The following SYBU variants were observed in gnomAD, a reference collection of about 807,000 sequenced individuals.
SYBU encodes the protein GOLSYN A protein.
Under a neutral mutation model 35.9 loss-of-function variants are expected in SYBU, and 21 were observed. The observed-to-expected ratio is 0.58, with a 90% CI of 0.41 to 0.84. SYBU has a LOEUF of 0.84. Among genes scored for constraint, SYBU ranks in the 40% least tolerant of loss-of-function variants. The pLI is 0.00. For synonymous variants in SYBU, 319 were observed against 324.3 expected (o/e 0.98, Z 0.18); for missense variants, 768 against 848.2 (o/e 0.91, Z 1.17).
chr8:109,670,803 T>C (rs1328405496), intron 1 of SYBU, among the ~76,000 whole-genome samples: 2 of 152,162 alleles, frequency 1.3e-5, no homozygotes, highest in Non-Finnish European at 2.9e-5. Flanking sequence ...CTTCATTTCT[T>C]CCATTTATAA....
At chr8:109,590,298 G>A (rs547104659) in intron 3 of SYBU, among the ~76,000 whole-genome samples, 38 of 152,178 alleles carry the variant, frequency 2.5e-4, no homozygotes, top group Admixed American at 5.2e-4. Flanking sequence ...CCTAAAAAGG[G>A]TTTTTGTTTT....
intron 2 of SYBU, among the ~76,000 whole-genome samples, chr8:109,633,425 T>C (rs963619220): frequency 1.3e-5 from 2 of 152,200 alleles, no homozygotes; most frequent in Non-Finnish European, 2.9e-5. Context: ...ATCTCAACGA[T>C]AGCATAGCTG....
chr8:109,660,768 T>G lies in SYBU; in HGVS notation c.-129+19943A>C, dbSNP rs145474532. ...TTATTTCTCACTAAGCAAATATTTATTGGGTATTTATTCTGACTCTGGTAC... is the reference window on the plus strand; with the variant it reads ...TTATTTCTCACTAAGCAAATATTTAGTGGGTATTTATTCTGACTCTGGTAC... On this transcript the variant is annotated intron_variant, in intron 1 of 5. Coordinates refer to the SYBU transcript ENST00000408889. 3.1e-3 allele frequency among the ~76,000 whole-genome samples: 467 copies of G among 152,348 alleles called. 6 individuals carry two copies. Among genetic ancestry groups the G allele is most frequent in the African/African-American group, 0.011 (438 of 41,588 alleles).
At chr8:109,658,111 C>A (rs1309918159) in intron 1 of SYBU, among the ~76,000 whole-genome samples, 1 of 152,156 alleles carries the variant, frequency 6.6e-6, no homozygotes, top group Admixed American at 6.5e-5. Flanking sequence ...CTGTAGCAAA[C>A]ACATTGTCCT....
chr8:109,644,357 T>A, intron 1 of SYBU: 1 of 606,636 alleles, frequency 1.6e-6, no homozygotes, highest in South Asian at 1.8e-5. Context: ...ACACAGGATA[T>A]CAACTGAAAG....
intron 3 of SYBU, among the ~76,000 whole-genome samples, chr8:109,602,429 A>AT (rs751669435): frequency 0.051 from 6,772 of 132,604 alleles, 353 homozygotes; most frequent in African/African-American, 0.12. Flanking sequence ...CCTCTGTGTA[A>AT]TTTTTTTTTT....
At chr8:109,632,731 A>G (rs1813779293) in intron 2 of SYBU, among the ~76,000 whole-genome samples, 1 of 152,244 alleles carries the variant, frequency 6.6e-6, no homozygotes, top group Non-Finnish European at 1.5e-5. Context: ...AAAATTCTAA[A>G]TTATGAAATT....
At chr8:109,633,801 T>G (rs925944438) in intron 2 of SYBU, among the ~76,000 whole-genome samples, 12 of 152,168 alleles carry the variant, frequency 7.9e-5, no homozygotes, top group African/African-American at 2.7e-4. Flanking sequence ...TGGCGCAATC[T>G]TGGCTCACTG....
chr8:109,688,326 T>C (rs1368085304), intron 1 of SYBU, among the ~76,000 whole-genome samples: 1 of 152,228 alleles, frequency 6.6e-6, no homozygotes, highest in Admixed American at 6.5e-5. Context: ...ACTGAAGTTC[T>C]GGAAAGTTCT....
rs765708440 is a variant in SYBU at position 109,574,831 on chromosome 8, A to T, written c.*75T>A. The T allele has an allele frequency of 1.6e-5, 23 of 1,447,322 alleles. No individual in the cohort carries two copies. Among genetic ancestry groups the T allele is most frequent in the Non-Finnish European group, 2.1e-5 (23 of 1,081,396 alleles). The allele number at this position is 1,447,322 out of a possible 1,614,324, so 89.7% of individuals were successfully genotyped here. A position where few individuals can be genotyped will look rare whatever the true frequency, so the allele number is the denominator to read the frequency against. ...AACGACAGAATAGAGACTGTCACAGATGATTGACTTCCTGTTTCTCTACCT... is the reference window on the plus strand; with the variant it reads ...AACGACAGAATAGAGACTGTCACAGTTGATTGACTTCCTGTTTCTCTACCT... On this transcript the variant is annotated 3_prime_UTR_variant, in exon 7 of 7. Transcript: ENST00000276646.
chr8:109,646,616 T>G (rs1455876294), upstream of SYBU: 3 of 152,212 alleles, frequency 2.0e-5, no homozygotes, highest in Non-Finnish European at 4.4e-5. Context: ...TTCATACAAC[T>G]TATTATTCCT....
intron 3 of SYBU, among the ~76,000 whole-genome samples, chr8:109,596,551 G>A (rs1207507363): frequency 6.6e-6 from 1 of 152,170 alleles, no homozygotes; most frequent in Non-Finnish European, 1.5e-5. Context: ...GGTAGAATTT[G>A]AGGATTTTTG....
intron 3 of SYBU, among the ~76,000 whole-genome samples, chr8:109,610,956 A>C (rs1227503135): frequency 6.6e-6 from 1 of 152,172 alleles, no homozygotes; most frequent in Non-Finnish European, 1.5e-5. Flanking sequence ...AATCATGCAC[A>C]TACCTTTGCA....
upstream of SYBU, among the ~76,000 whole-genome samples, chr8:109,683,812 C>T (rs554168259): frequency 1.1e-3 from 173 of 152,272 alleles, no homozygotes; most frequent in Middle Eastern, 3.4e-3. Flanking sequence ...GGAGCAGTTA[C>T]CTCCATACTG....
At position 109,642,828 on chromosome 8, in the gene SYBU, TG is replaced by T; in HGVS notation, c.128del (p.Pro43GlnfsTer48). 2 of 1,613,336 alleles carry T rather than the reference TG, an allele frequency of 1.2e-6. No homozygotes were observed. The highest frequency in any genetic ancestry group is 1.7e-6 in the Non-Finnish European group (2 of 1,179,642). On this transcript the variant is annotated frameshift_variant, in exon 2 of 7. Transcript: ENST00000276646. LOFTEE classifies it high-confidence loss of function. ...HMPQQQHKVS[P>X]ASESPFSEEE... Reference sequence around the variant, plus strand: ...CCTCAGAGAAAGGAGACTCAGAGGCTGGGGACACTTTGTGCTGTTGTTGGGG... The same window carrying T: ...CCTCAGAGAAAGGAGACTCAGAGGCTGGGACACTTTGTGCTGTTGTTGGGG...
At chr8:109,656,867 T>C (rs1480366552) in intron 1 of SYBU, among the ~76,000 whole-genome samples, 1 of 152,166 alleles carries the variant, frequency 6.6e-6, no homozygotes, top group Non-Finnish European at 1.5e-5. Context: ...TACTATTATT[T>C]ATTTTAAATA....
intron 3 of SYBU, among the ~76,000 whole-genome samples, chr8:109,591,091 G>C (rs898797105): frequency 4.6e-5 from 7 of 152,204 alleles, no homozygotes; most frequent in African/African-American, 1.7e-4. Flanking sequence ...ACAGTGACTG[G>C]TTAAATCAGG....
At position 109,644,247 on chromosome 8, in the gene SYBU, G is replaced by A. The variant is rs1446579340; in HGVS notation, c.24+389C>T. 3 of 489,714 alleles carry A rather than the reference G, an allele frequency of 6.1e-6. No individual in the cohort carries two copies. In the Admixed American group the frequency reaches 6.9e-5, roughly 11 times the overall value. The allele number at this position is 489,714 out of a possible 1,614,324, so 30.3% of individuals were successfully genotyped here. ...GGTACCATGCGCCAGCCACTCCGCCGGGCACACCGCAGACCCTGAGCTAAG... is the reference window on the plus strand; with the variant it reads ...GGTACCATGCGCCAGCCACTCCGCCAGGCACACCGCAGACCCTGAGCTAAG... On this transcript the variant is annotated intron_variant, in intron 1 of 6. Transcript: ENST00000276646.
chr8:109,605,110 T>G (rs544033789), intron 3 of SYBU, among the ~76,000 whole-genome samples: 1 of 152,214 alleles, frequency 6.6e-6, no homozygotes, highest in East Asian at 1.9e-4. Context: ...GCTCCCCAGA[T>G]ATGACCCGAA....
Sources: allele counts gnomAD v4.1 joint callset (sites outside exome capture counted in the v4.1 genomes callset), GRCh38; gene constraint gnomAD v4.1.1; transcripts MANE v1.5; gene names NCBI Gene and HGNC (gene_info 2026-07-23, HGNC 2026-07-21).